Variants in MSRA observed in about 807,000 individuals in gnomAD.
MSRA encodes mitochondrial peptide methionine sulfoxide reductase.
Under a neutral mutation model 31.3 loss-of-function variants are expected in MSRA, and 54 were observed. The ratio of observed to expected loss-of-function variants is 1.73; its 90% confidence interval spans 1.39 to 2.17. The LOEUF is 2.17. Among genes scored for constraint, MSRA ranks in the 30% most tolerant of loss-of-function variants. The pLI, the probability that MSRA is intolerant of heterozygous loss-of-function variation, is 0.00. For missense variants in MSRA, 507 were observed against 300.9 expected, an observed-to-expected ratio of 1.69 and a Z score of -5.07; for synonymous variants, 169 against 116.5, an observed-to-expected ratio of 1.45 and a Z score of -2.90.
chr8:10,223,189 A>G (rs1490560473), intron 2 of MSRA, among the ~76,000 whole-genome samples: 2 of 152,208 alleles, frequency 1.3e-5, no homozygotes, highest in Admixed American at 6.5e-5. Flanking sequence ...GCAGGTCAAT[A>G]TTACCTGCAT....
chr8:10,245,954 G>T (rs1797601744), intron 3 of MSRA, among the ~76,000 whole-genome samples: 1 of 152,204 alleles, frequency 6.6e-6, no homozygotes, highest in South Asian at 2.1e-4. Flanking sequence ...GATACTGGTT[G>T]TGTTTTCTGT....
chr8:10,149,682 G>A (rs1024055634), intron 1 of MSRA, among the ~76,000 whole-genome samples: 1 of 151,882 alleles, frequency 6.6e-6, no homozygotes, highest in Non-Finnish European at 1.5e-5. Flanking sequence ...TCCATTTGTA[G>A]TGGTGGTATG....
chr8:10,345,966 C>T (rs1803746719), intron 5 of MSRA, among the ~76,000 whole-genome samples: 1 of 152,214 alleles, frequency 6.6e-6, no homozygotes, highest in Non-Finnish European at 1.5e-5. Flanking sequence ...AACCTACAGC[C>T]TACCTACAGA....
At chr8:10,108,186 C>G (rs1350027842) in intron 1 of MSRA, among the ~76,000 whole-genome samples, 7 of 152,220 alleles carry the variant, frequency 4.6e-5, no homozygotes, top group Non-Finnish European at 1.0e-4. Flanking sequence ...GACATATAAT[C>G]TCTGACGTTT....
Position 10,111,182 on chromosome 8 carries a change from C to T in MSRA, c.142+56524C>T, listed in dbSNP as rs116226479. On this transcript the variant is annotated intron_variant, in intron 1 of 5. Transcript: ENST00000317173. Reference sequence around the variant, plus strand: ...CATTTGGACCTGGCTTTGGTCATTTCTTGGTACCCATTACATGGCTGGGTG... The same window carrying T: ...CATTTGGACCTGGCTTTGGTCATTTTTTGGTACCCATTACATGGCTGGGTG... 3.1e-3 allele frequency among the ~76,000 whole-genome samples: 472 copies of T among 152,278 alleles called. 1 individual carries two copies. The highest frequency in any genetic ancestry group is 0.011 in the African/African-American group (442 of 41,538).
intron 1 of MSRA, among the ~76,000 whole-genome samples, chr8:10,119,024 C>T (rs142112141): frequency 3.4e-4 from 51 of 152,186 alleles, no homozygotes; most frequent in Non-Finnish European, 6.2e-4. Context: ...AGGAGGGACC[C>T]CTCCCCGCCT....
At chr8:10,339,781 T>TC (rs34852801) in intron 5 of MSRA, among the ~76,000 whole-genome samples, 31,733 of 151,490 alleles carry the variant, frequency 0.21, 3,470 homozygotes, top group South Asian at 0.27. Flanking sequence ...GACCTCGTGA[T>TC]CCCCCCGCCT....
At chr8:10,059,345 C>T (rs771898952) in intron 1 of MSRA, among the ~76,000 whole-genome samples, 3 of 152,118 alleles carry the variant, frequency 2.0e-5, no homozygotes, top group Non-Finnish European at 4.4e-5. Context: ...GAAGTAGTAA[C>T]TGTTATCACC....
chr8:10,123,485 A>AGTAAACAGAGTAAACAG (rs1801274726), intron 1 of MSRA, among the ~76,000 whole-genome samples: 1 of 152,064 alleles, frequency 6.6e-6, no homozygotes, highest in Non-Finnish European at 1.5e-5. Context: ...TACTCTGTTG[A>AGTAAACAGAGTAAACAG]TAGTTTCTTT....
chr8:10,162,387 TG>T (rs1449230713), intron 1 of MSRA, among the ~76,000 whole-genome samples: 1 of 151,974 alleles, frequency 6.6e-6, no homozygotes, highest in Non-Finnish European at 1.5e-5. Context: ...CCCAGAAAAA[TG>T]TTCTCACCAG....
intron 5 of MSRA, among the ~76,000 whole-genome samples, chr8:10,414,602 G>A (rs1808347419): frequency 6.6e-6 from 1 of 152,294 alleles, no homozygotes; most frequent in Admixed American, 6.5e-5. Flanking sequence ...AATGAGAAGC[G>A]GTGACATTCA....
At chr8:10,284,296 C>A (rs2129109805) in intron 3 of MSRA, among the ~76,000 whole-genome samples, 1 of 152,262 alleles carries the variant, frequency 6.6e-6, no homozygotes, top group Middle Eastern at 3.4e-3. Flanking sequence ...TCAAGCAATT[C>A]TCCTGCCTCA....
chr8:10,058,185 C>T lies in MSRA; in HGVS notation c.142+3527C>T, dbSNP rs187297133. 2.0e-3 allele frequency among the ~76,000 whole-genome samples: 308 copies of T among 152,168 alleles called. 3 individuals are homozygous for T. The highest frequency in any genetic ancestry group is 6.3e-3 in the African/African-American group (263 of 41,508). On this transcript the variant is annotated intron_variant, in intron 1 of 5. Coordinates refer to ENST00000317173, the MANE Select transcript of MSRA (RefSeq NM_012331.5). Reference sequence around the variant, plus strand: ...ATGTAGAGCACCATCAGAAGGTATTCTCTTTTAAGAACTTTAAATAGAAAA... The same window carrying T: ...ATGTAGAGCACCATCAGAAGGTATTTTCTTTTAAGAACTTTAAATAGAAAA...
intron 3 of MSRA, among the ~76,000 whole-genome samples, chr8:10,291,727 T>C (rs1800247077): frequency 6.6e-6 from 1 of 152,174 alleles, no homozygotes; most frequent in African/African-American, 2.4e-5. Context: ...TGATTTGGTT[T>C]AACGGTTTGG....
intron 5 of MSRA, among the ~76,000 whole-genome samples, chr8:10,389,092 T>C (rs1017932616): frequency 1.3e-5 from 2 of 152,154 alleles, no homozygotes; most frequent in Admixed American, 6.5e-5. Context: ...AGGTCTGATT[T>C]TTCACAAAAA....
intron 4 of MSRA, among the ~76,000 whole-genome samples, chr8:10,317,722 C>A (rs1373909378): frequency 6.6e-6 from 1 of 152,158 alleles, no homozygotes. Flanking sequence ...TCAAGACAGC[C>A]AAATAGTGTC....
intron 5 of MSRA, among the ~76,000 whole-genome samples, chr8:10,415,191 G>T (rs1362999479): frequency 6.6e-6 from 1 of 152,208 alleles, no homozygotes; most frequent in Non-Finnish European, 1.5e-5. Context: ...CCTGCAGCCA[G>T]CCCTGTCCAG....
intron 5 of MSRA, among the ~76,000 whole-genome samples, chr8:10,380,708 A>G (rs1238379152): frequency 6.6e-6 from 1 of 152,188 alleles, no homozygotes; most frequent in Non-Finnish European, 1.5e-5. Context: ...TTTTGAATGG[A>G]TGGATAGAAG....
intron 1 of MSRA, among the ~76,000 whole-genome samples, chr8:10,158,055 CA>C (rs1210935639): frequency 6.6e-6 from 1 of 152,158 alleles, no homozygotes; most frequent in Non-Finnish European, 1.5e-5. Context: ...CTGATGAGGG[CA>C]CACTTCCTGC....
Sources: gnomAD v4.1 joint callset for allele counts (sites outside exome capture counted in the v4.1 genomes callset) on GRCh38, gnomAD v4.1.1 for gene constraint, MANE v1.5 for transcripts, NCBI Gene and HGNC (gene_info 2026-07-23, HGNC 2026-07-21) for gene names.